STOX1: variants seen among roughly 807,000 people sequenced by gnomAD.
The protein encoded by STOX1 is storkhead box 1, also known as storkhead-box protein 1.
In STOX1, 57 loss-of-function variants were observed where a neutral mutation model predicts 74.8. That is an observed-to-expected ratio of 0.76 (90% confidence interval 0.62 to 0.95). STOX1 has a LOEUF of 0.95. Among genes scored for constraint, STOX1 ranks in the 40% least tolerant of loss-of-function variants. The probability of loss-of-function intolerance (pLI) is 0.00; values close to 1 mark genes in which losing one functional copy is unlikely to be tolerated. For missense variants in STOX1, 1,010 were observed against 1,117.0 expected, an observed-to-expected ratio of 0.90 and a Z score of 1.37; for synonymous variants, 375 against 401.3, an observed-to-expected ratio of 0.93 and a Z score of 0.78.
intron 1 of STOX1, among the ~76,000 whole-genome samples, chr10:68,831,054 A>G (rs1839394129): frequency 6.6e-6 from 1 of 152,192 alleles, no homozygotes; most frequent in East Asian, 1.9e-4. Context: ...GACTTCCAGG[A>G]GGGCGGGGAA....
At chr10:68,881,862 CT>C (rs1356241048) in intron 1 of STOX1, 95 bp from the exon 2 acceptor site, 28 of 1,367,444 alleles carry the variant, frequency 2.0e-5, no homozygotes, top group Non-Finnish European at 2.9e-5. Context: ...GCAATTCTAC[CT>C]ATTAGTCTTT....
intron 1 of STOX1, among the ~76,000 whole-genome samples, chr10:68,852,248 G>GATTTTTTTTTTTT (rs200461358): frequency 1.5e-5 from 2 of 132,210 alleles, no homozygotes. Flanking sequence ...TTCTCTTACT[G>GATTTTTTTTTTTT]CTTTTTTTTT....
At chr10:68,836,775 C>T (rs536385516) in intron 1 of STOX1, among the ~76,000 whole-genome samples, 77 of 152,244 alleles carry the variant, frequency 5.1e-4, no homozygotes, top group Non-Finnish European at 6.2e-4. Flanking sequence ...AGCCTTCCCA[C>T]CTAGCTTGGC....
Position 68,839,235 on chromosome 10 carries a change from T to C in STOX1, c.310+11302T>C, listed in dbSNP as rs376242192. Among the ~76,000 whole-genome samples, 5 of 152,210 alleles carry C rather than the reference T, an allele frequency of 3.3e-5. No homozygotes were observed. The South Asian group carries it at 1.0e-3, about 32-fold the overall frequency. On this transcript the variant is annotated intron_variant, in intron 1 of 3. Transcript: ENST00000298596. ...CCCAAAATAGCCAAAACGATTATTATTATTTGAGGCAGGGTCTTGCTGTGT... is the reference window on the plus strand; with the variant it reads ...CCCAAAATAGCCAAAACGATTATTACTATTTGAGGCAGGGTCTTGCTGTGT...
chr10:68,853,244 G>T (rs1476328469), intron 1 of STOX1, among the ~76,000 whole-genome samples: 1 of 152,042 alleles, frequency 6.6e-6, no homozygotes, highest in Non-Finnish European at 1.5e-5. Flanking sequence ...GTTTTAATGT[G>T]ATCAGCAGGT....
intron 1 of STOX1, among the ~76,000 whole-genome samples, chr10:68,863,227 G>GGTA (rs1840304608): frequency 6.6e-6 from 1 of 152,048 alleles, no homozygotes; most frequent in South Asian, 2.1e-4. Context: ...TGGTGGAAAA[G>GGTA]GTAAATATGC....
intron 1 of STOX1, among the ~76,000 whole-genome samples, chr10:68,865,577 A>G (rs888810167): frequency 1.1e-4 from 16 of 152,262 alleles, no homozygotes; most frequent in East Asian, 5.8e-4. Flanking sequence ...TGAACCTGGG[A>G]GGTGGAGCTT....
chr10:68,850,295 A>C (rs1839951803), intron 1 of STOX1, among the ~76,000 whole-genome samples: 1 of 152,204 alleles, frequency 6.6e-6, no homozygotes, highest in Non-Finnish European at 1.5e-5. Context: ...GGCATCAGCC[A>C]CTGCACCCAG....
chr10:68,874,774 C>T (rs1439603012), intron 1 of STOX1, among the ~76,000 whole-genome samples: 1 of 152,148 alleles, frequency 6.6e-6, no homozygotes, highest in Non-Finnish European at 1.5e-5. Flanking sequence ...AATGCCTTCT[C>T]TTCTATAGCT....
intron 2 of STOX1, 81 bp from the exon 3 acceptor site, chr10:68,884,179 T>C (rs766257324): frequency 1.6e-5 from 20 of 1,251,630 alleles, no homozygotes; most frequent in Non-Finnish European, 2.3e-5. Flanking sequence ...AGCCAATGTG[T>C]AGTCATTTCA....
chr10:68,851,535 C>T (rs1003669235), intron 1 of STOX1, among the ~76,000 whole-genome samples: 1 of 151,926 alleles, frequency 6.6e-6, no homozygotes, highest in African/African-American at 2.4e-5. Context: ...ACCACATGTA[C>T]CCCCCAAAAT....
chr10:68,830,326 A>G (rs1839373168), intron 1 of STOX1, among the ~76,000 whole-genome samples: 1 of 151,876 alleles, frequency 6.6e-6, no homozygotes, highest in African/African-American at 2.4e-5. Context: ...TGAGGTTTTC[A>G]AATTTTGTTT....
At chr10:68,888,723 C>G (rs1053460312) in intron 3 of STOX1, among the ~76,000 whole-genome samples, 2 of 148,584 alleles carry the variant, frequency 1.3e-5, no homozygotes, top group Admixed American at 1.3e-4. Flanking sequence ...CAGCTTCAAC[C>G]TCCCTGGGCT....
At chr10:68,873,037 T>A (rs1481580567) in intron 1 of STOX1, among the ~76,000 whole-genome samples, 1 of 151,990 alleles carries the variant, frequency 6.6e-6, no homozygotes, top group Non-Finnish European at 1.5e-5. Context: ...AGAGACAAGG[T>A]CTTGCTCTGT....
intron 1 of STOX1, among the ~76,000 whole-genome samples, chr10:68,863,166 G>A (rs747938466): frequency 2.7e-4 from 41 of 152,076 alleles, no homozygotes; most frequent in Non-Finnish European, 5.3e-4. Context: ...AAGAGCTATC[G>A]TTAGTGTATA....
At chr10:68,883,992 A>T (rs997741683) in intron 2 of STOX1, among the ~76,000 whole-genome samples, 11 of 150,200 alleles carry the variant, frequency 7.3e-5, no homozygotes, top group African/African-American at 2.7e-4. Context: ...ATGTTTAAAA[A>T]TTTTTCTGTA....
At chr10:68,834,577 A>G (rs1379261567) in intron 1 of STOX1, among the ~76,000 whole-genome samples, 1 of 152,238 alleles carries the variant, frequency 6.6e-6, no homozygotes, top group Admixed American at 6.5e-5. Context: ...TAAGTTTACT[A>G]TTTGATAAAT....
intron 1 of STOX1, among the ~76,000 whole-genome samples, chr10:68,853,115 G>A (rs1378013991): frequency 6.6e-6 from 1 of 152,020 alleles, no homozygotes; most frequent in East Asian, 1.9e-4. Context: ...AGTAGAAACG[G>A]GGTTTCACCA....
At chr10:68,849,233 G>T (rs1158411023) in intron 1 of STOX1, among the ~76,000 whole-genome samples, 1 of 152,138 alleles carries the variant, frequency 6.6e-6, no homozygotes, top group Non-Finnish European at 1.5e-5. Context: ...GTGTCCATGA[G>T]ACCTGGATTC....
Sources: allele counts gnomAD v4.1 joint callset (sites outside exome capture counted in the v4.1 genomes callset), GRCh38; gene constraint gnomAD v4.1.1; transcripts MANE v1.5; gene names NCBI Gene and HGNC (gene_info 2026-07-23, HGNC 2026-07-21).